The following IL1RAPL1 variants were observed in gnomAD, a reference collection of about 807,000 sequenced individuals.
The protein encoded by IL1RAPL1 is interleukin-1 receptor accessory protein-like 1.
Under a neutral mutation model 48.4 loss-of-function variants are expected in IL1RAPL1, and 3 were observed. The observed-to-expected ratio is 0.06, with a 90% CI of 0.03 to 0.16. IL1RAPL1 has a LOEUF of 0.16. IL1RAPL1 is among the 10% of genes least tolerant of loss of function. The pLI is 1.00. For synonymous variants in IL1RAPL1, 185 were observed against 187.7 expected (o/e 0.99, Z 0.12); for missense variants, 349 against 530.6 (o/e 0.66, Z 3.36).
At chrX:29,432,651 C>T (rs1934434962) in intron 5 of IL1RAPL1, among the ~76,000 whole-genome samples, 1 of 111,505 alleles carries the variant, frequency 9.0e-6, no homozygotes, top group African/African-American at 3.3e-5. Context: ...ATTTAGACTC[C>T]AAGTTTACTG....
chrX:28,999,176 TC>T (rs756671748), intron 2 of IL1RAPL1, among the ~76,000 whole-genome samples: 1 of 110,587 alleles, frequency 9.0e-6, no homozygotes, highest in South Asian at 3.8e-4. Context: ...AGTCTCAACT[TC>T]AAACATCCTC....
At chrX:29,532,586 G>A in intron 5 of IL1RAPL1, among the ~76,000 whole-genome samples, 1 of 111,625 alleles carries the variant, frequency 9.0e-6, no homozygotes, top group Non-Finnish European at 1.9e-5. Flanking sequence ...GTCATCTTGA[G>A]TGGAACCTTT....
rs35208878 is a variant in IL1RAPL1 at position 29,426,998 on chromosome X, TAAAAA to T, written c.703+27702_703+27706del. Among the ~76,000 whole-genome samples, 601 of 103,953 alleles carry T rather than the reference TAAAAA, an allele frequency of 5.8e-3. 2 individuals carry two copies. Among genetic ancestry groups the T allele is most frequent in the African/African-American group, 0.014 (412 of 29,352 alleles). 90.3% of individuals were successfully genotyped at this position (103,953 alleles called of 115,157 possible). A position where few individuals can be genotyped will look rare whatever the true frequency, so the allele number is the denominator to read the frequency against. ...GATAATTGGATTTTAAAAACCTTTT[TAAAAA>T]AAAAAAAAAAAGATTTGCATATTAT... On this transcript the variant is annotated intron_variant, in intron 5 of 10. Transcript: ENST00000378993.
chrX:29,244,227 G>A (rs1454683946), intron 2 of IL1RAPL1, among the ~76,000 whole-genome samples: 2 of 112,079 alleles, frequency 1.8e-5, no homozygotes, highest in African/African-American at 6.5e-5. Context: ...GAGTGACTTT[G>A]CGCTGAAATA....
chrX:28,898,004 C>G (rs1279054673), intron 2 of IL1RAPL1, among the ~76,000 whole-genome samples: 4 of 110,994 alleles, frequency 3.6e-5, no homozygotes, highest in Non-Finnish European at 1.9e-5. Context: ...AGGCAAGGAC[C>G]GGCCATTTTC....
At chrX:29,743,680 T>G (rs1488387148) in intron 6 of IL1RAPL1, among the ~76,000 whole-genome samples, 11 of 111,312 alleles carry the variant, frequency 9.9e-5, no homozygotes, top group Non-Finnish European at 1.9e-4. Flanking sequence ...AGACGGGGTT[T>G]CACCATGTTG....
rs149121292 is a variant in IL1RAPL1 at position 29,008,832 on chromosome X, C to A, written c.82+219407C>A. Among the ~76,000 whole-genome samples the A allele has an allele frequency of 2.7e-3, 296 of 110,932 alleles. 1 individual carries two copies. Among genetic ancestry groups the A allele is most frequent in the Middle Eastern group, 9.4e-3 (2 of 213 alleles). On this transcript the variant is annotated intron_variant, in intron 2 of 10. Transcript: ENST00000378993. ...CCCTTACTTCCCTTCCTCCCTCCCC[C>A]CACAATAGTCCCCAGTTTCTATTCT... is the stretch of plus-strand genomic sequence containing the variant.
chrX:29,596,438 C>G (rs923518471), intron 5 of IL1RAPL1, among the ~76,000 whole-genome samples: 1 of 111,540 alleles, frequency 9.0e-6, no homozygotes, highest in Admixed American at 9.5e-5. Flanking sequence ...TTTTAGAGGT[C>G]TTTCTTGTCC....
chrX:28,709,335 C>G (rs1935413500), intron 1 of IL1RAPL1, among the ~76,000 whole-genome samples: 1 of 111,756 alleles, frequency 8.9e-6, no homozygotes, highest in African/African-American at 3.3e-5. Context: ...GTGGAATGTA[C>G]TGTTTATTAC....
intron 6 of IL1RAPL1, among the ~76,000 whole-genome samples, chrX:29,785,460 A>C (rs1197867329): frequency 1.8e-5 from 2 of 112,333 alleles, no homozygotes; most frequent in Admixed American, 9.4e-5. Context: ...AAAGTTTGAT[A>C]GTTTTTAAAA....
chrX:29,146,545 A>G (rs377511608), intron 2 of IL1RAPL1, among the ~76,000 whole-genome samples: 1 of 111,919 alleles, frequency 8.9e-6, no homozygotes, highest in East Asian at 2.8e-4. Context: ...TCAGGACTCT[A>G]CACTAAATCT....
At chrX:28,655,506 T>C (rs2146906066) in intron 1 of IL1RAPL1, among the ~76,000 whole-genome samples, 1 of 111,482 alleles carries the variant, frequency 9.0e-6, no homozygotes, top group African/African-American at 3.3e-5. Flanking sequence ...AATGCTCCTA[T>C]CAGCAAAAAG....
intron 6 of IL1RAPL1, among the ~76,000 whole-genome samples, chrX:29,807,621 CAAAAAAAAAAAAAA>C (rs60391165): frequency 3.1e-4 from 8 of 26,030 alleles, no homozygotes; most frequent in Admixed American, 9.0e-4. Context: ...TCTCTCAAGA[CAAAAAAAAAAAAAA>C]AAAAAAAAAA....
chrX:29,802,106 G>A lies in IL1RAPL1; in HGVS notation c.779-115358G>A, dbSNP rs184527304. 2.5e-3 allele frequency among the ~76,000 whole-genome samples: 276 copies of A among 111,670 alleles called. 1 individual carries two copies. Among genetic ancestry groups the A allele is most frequent in the Non-Finnish European group, 4.4e-3 (232 of 53,057 alleles). ...GTGTATGTCTGTGTTTGATTTGGTG[G>A]GGGCCATTGGCCAAAGTTTGATCCC... On this transcript the variant is annotated intron_variant, in intron 6 of 10. Transcript: ENST00000378993.
At chrX:29,427,029 T>G (rs146012047) in intron 5 of IL1RAPL1, among the ~76,000 whole-genome samples, 10 of 111,090 alleles carry the variant, frequency 9.0e-5, no homozygotes, top group African/African-American at 1.6e-4. Context: ...TGCATATTAT[T>G]TCCCTGGTAT....
intron 6 of IL1RAPL1, among the ~76,000 whole-genome samples, chrX:29,898,206 G>A (rs775323835): frequency 8.9e-6 from 1 of 111,810 alleles, no homozygotes; most frequent in Non-Finnish European, 1.9e-5. Context: ...TTGCAGTTTT[G>A]AAATGATTTG....
At chrX:29,085,435 G>A (rs1927931959) in intron 2 of IL1RAPL1, among the ~76,000 whole-genome samples, 1 of 111,134 alleles carries the variant, frequency 9.0e-6, no homozygotes, top group African/African-American at 3.3e-5. Context: ...TTTTCTAAGA[G>A]GGTTTTTATA....
Position 29,041,998 on chromosome X carries a change from G to T in IL1RAPL1, c.83-240940G>T, listed in dbSNP as rs186101885. 1.2e-4 allele frequency among the ~76,000 whole-genome samples: 13 copies of T among 111,614 alleles called. No homozygotes were observed. In the East Asian group the frequency reaches 2.3e-3, roughly 19 times the overall value. On this transcript the variant is annotated intron_variant, in intron 2 of 10. Transcript: ENST00000378993. ...GAGCCCGAGTTTACAATGTCTTCCT[G>T]GGACAGTATCAGAAATGAAACCTAA...
rs751401681 is a variant in IL1RAPL1 at position 29,301,434 on chromosome X, T to C, written c.362+18217T>C. Among the ~76,000 whole-genome samples, 4 of 112,306 alleles carry C rather than the reference T, an allele frequency of 3.6e-5. No homozygotes were observed. The East Asian group carries it at 1.1e-3, about 31-fold the overall frequency. Reference sequence around the variant, plus strand: ...AAAATGTTATTTTCTGCCACATAGCTACCATTTTCTTTAAAATTGATTTAT... The same window carrying C: ...AAAATGTTATTTTCTGCCACATAGCCACCATTTTCTTTAAAATTGATTTAT... On this transcript the variant is annotated intron_variant, in intron 3 of 10. Transcript: ENST00000378993.
Sources: gnomAD v4.1 joint callset for allele counts (sites outside exome capture counted in the v4.1 genomes callset) on GRCh38, gnomAD v4.1.1 for gene constraint, MANE v1.5 for transcripts, NCBI Gene and HGNC (gene_info 2026-07-23, HGNC 2026-07-21) for gene names.